MYMK: variants seen among roughly 807,000 people sequenced by gnomAD.
The protein encoded by MYMK is myomaker, myoblast fusion factor.
MYMK carries 16 observed loss-of-function variants against 22.4 expected under a neutral mutation model. The observed-to-expected ratio is 0.72, with a 90% confidence interval of 0.48 to 1.09. The LOEUF (loss-of-function observed/expected upper bound fraction) is 1.09. Among genes scored for constraint, MYMK ranks in the 50% least tolerant of loss-of-function variants. The pLI is 0.00. For synonymous variants in MYMK, 125 were observed against 127.0 expected, an observed-to-expected ratio of 0.98 and a Z score of 0.11; for missense variants, 250 against 295.6, an observed-to-expected ratio of 0.85 and a Z score of 1.13.
Position 133,515,639 on chromosome 9 carries a change from T to G in MYMK, c.400-32A>C. 1 of 1,482,930 alleles carries G rather than the reference T, an allele frequency of 6.7e-7. No individual in the cohort carries two copies. 91.9% of individuals were successfully genotyped at this position (1,482,930 alleles called of 1,614,324 possible). ...GGACAGGAGGCCACAGCAAAGCTTT[T>G]AGGTCACAGCACTGGGGAACGCCCC... On this transcript the variant is annotated intron_variant, in intron 3 of 4. Coordinates refer to ENST00000339996, the MANE Select transcript of MYMK (RefSeq NM_001080483.3). This position sits in a 1 kb window ranked among gnomAD's most constrained non-coding sequence, Gnocchi z 5.8.
intron 3 of MYMK, among the ~76,000 whole-genome samples, chr9:133,517,960 C>T (rs1252160930): frequency 6.6e-6 from 1 of 152,214 alleles, no homozygotes; most frequent in Non-Finnish European, 1.5e-5. Flanking sequence ...CAGGCCAGGT[C>T]CTCTCTTGGC....
At chr9:133,521,231 G>A (rs992110866) in intron 1 of MYMK, among the ~76,000 whole-genome samples, 2 of 152,152 alleles carry the variant, frequency 1.3e-5, no homozygotes, top group South Asian at 2.1e-4. Context: ...TTTTGCATTC[G>A]CATTTCATCA....
chr9:133,522,346 G>GC (rs386416407), intron 1 of MYMK, among the ~76,000 whole-genome samples: 3 of 141,378 alleles, frequency 2.1e-5, no homozygotes, highest in Non-Finnish European at 4.7e-5. Context: ...TGGCTGTCGG[G>GC]GGGGGGCCTC....
chr9:133,524,760 G>T lies in MYMK; in HGVS notation c.85C>A (p.Arg29=), dbSNP rs546271887. ...LPTVSIAAKR[R]FHMEAMVYLF... is the part of the protein sequence containing the mutation. ...TAGACCATGGCCTCCATGTGGAACC[G>T]CCTCTTGGCCGCGATGCTGACAGTG... Residue 29 remains arginine (R), a synonymous_variant, in exon 1 of 5, where the codon CGG becomes AGG. Transcript: ENST00000339996. 1.9e-6 allele frequency: 3 copies of T among 1,614,178 alleles called. No homozygotes were observed. The South Asian group carries it at 3.3e-5, about 18-fold the overall frequency.
chr9:133,517,263 C>G (rs748313219), intron 3 of MYMK, among the ~76,000 whole-genome samples: 9 of 152,232 alleles, frequency 5.9e-5, no homozygotes, highest in Non-Finnish European at 1.2e-4. Context: ...ATGCCCAGCG[C>G]TCCCTCTCTC....
chr9:133,521,768 G>C (rs78490531), intron 1 of MYMK, among the ~76,000 whole-genome samples: 2 of 152,154 alleles, frequency 1.3e-5, no homozygotes, highest in African/African-American at 2.4e-5. Flanking sequence ...GGAAGACTCC[G>C]GCCCTAGGCT....
chr9:133,514,954 A>AC (rs1327255934), intron 4 of MYMK, among the ~76,000 whole-genome samples, 169 bp from the exon 5 acceptor site: 1 of 151,798 alleles, frequency 6.6e-6, no homozygotes, highest in African/African-American at 2.4e-5. Flanking sequence ...CTCCACCTAA[A>AC]CCCAGAGCAG....
At chr9:133,523,624 G>A (rs1249455293) in intron 1 of MYMK, among the ~76,000 whole-genome samples, 20 of 151,776 alleles carry the variant, frequency 1.3e-4, no homozygotes, top group African/African-American at 4.8e-4. Flanking sequence ...GCTGAATGGC[G>A]AGATGGTAAT....
At chr9:133,516,758 C>T (rs1159876275) in intron 3 of MYMK, among the ~76,000 whole-genome samples, 1 of 152,158 alleles carries the variant, frequency 6.6e-6, no homozygotes, top group Non-Finnish European at 1.5e-5. Context: ...GCAGTAGTAA[C>T]ACCAGGGAGA....
intron 2 of MYMK, 47 bp from the exon 3 acceptor site, chr9:133,519,069 C>A (rs774168063): frequency 1.2e-6 from 2 of 1,608,610 alleles, no homozygotes; most frequent in Admixed American, 3.3e-5. Context: ...GTCTCTCTTG[C>A]TCCTCCTGGC....
rs1403841454 is a variant in MYMK at position 133,515,463 on chromosome 9, C to T, written c.516+28G>A. On this transcript the variant is annotated intron_variant, in intron 4 of 4. Coordinates refer to ENST00000339996, the MANE Select transcript of MYMK (RefSeq NM_001080483.3). The surrounding 1 kb of genome is among the most constrained non-coding windows in gnomAD (Gnocchi z 5.8). ...GCCATGCCGAGTGGGCTCTGGGGCA[C>T]AGGACACCTCCCCGCTGGGCTTGGT... 5 of 1,493,538 alleles carry T rather than the reference C, an allele frequency of 3.3e-6. No individual in the cohort carries two copies. Among genetic ancestry groups the T allele is most frequent in the South Asian group, 1.1e-5 (1 of 88,310 alleles). The allele number at this position is 1,493,538 out of a possible 1,614,324, so 92.5% of individuals were successfully genotyped here.
chr9:133,521,936 G>T (rs1294500885), intron 1 of MYMK, among the ~76,000 whole-genome samples: 4 of 152,246 alleles, frequency 2.6e-5, no homozygotes, highest in African/African-American at 9.6e-5. Context: ...AGCAGGAATG[G>T]CTCTGTCTGG....
At chr9:133,516,045 C>T (rs1844626762) in intron 3 of MYMK, among the ~76,000 whole-genome samples, 1 of 152,216 alleles carries the variant, frequency 6.6e-6, no homozygotes, top group Admixed American at 6.5e-5. Context: ...ATCCCTGAGC[C>T]ATGGACAAGC....
At position 133,514,846 on chromosome 9, in the gene MYMK, C is replaced by T. The variant is rs138082782; in HGVS notation, c.517-61G>A. 242 of 1,556,218 alleles carry T rather than the reference C, an allele frequency of 1.6e-4. No homozygotes were observed. The East Asian group carries it at 4.9e-3, about 31-fold the overall frequency. ...CCCCTCCCCGAGGCTCCTCCCTCTC[C>T]AAGACCCAGCAGAGCCCCTTCAGGC... On this transcript the variant is annotated intron_variant, in intron 4 of 4. Transcript: ENST00000339996.
chr9:133,520,863 G>A (rs1251393235), intron 1 of MYMK, among the ~76,000 whole-genome samples: 1 of 152,184 alleles, frequency 6.6e-6, no homozygotes, highest in Non-Finnish European at 1.5e-5. Flanking sequence ...CAGAACGCCT[G>A]GGGCCTTGTT....
At chr9:133,519,148 C>A (rs536541708) in intron 2 of MYMK, 126 bp from the exon 3 acceptor site, 15 of 1,230,648 alleles carry the variant, frequency 1.2e-5, no homozygotes, top group Non-Finnish European at 1.7e-5. Context: ...CCTCAGCCAG[C>A]GAGACCCTGA....
rs1228293989 is a variant in MYMK, at chr9:133,524,784, T to A, written c.61A>T (p.Thr21Ser). 1 of 1,613,852 alleles carries A rather than the reference T, an allele frequency of 6.2e-7. No individual in the cohort carries two copies. ...PTLSSLAFLPTVSIAAKRRFH... is the reference protein window; with the variant it reads ...PTLSSLAFLPSVSIAAKRRFH... ...CGCCTCTTGGCCGCGATGCTGACAGTGGGGAGGAAGGCCAGGCTGCTGAGG... is the reference window on the plus strand; with the variant it reads ...CGCCTCTTGGCCGCGATGCTGACAGAGGGGAGGAAGGCCAGGCTGCTGAGG... Residue 21 changes from threonine (T) to serine (S), a missense_variant, in exon 1 of 5, where the codon ACT becomes TCT. Physicochemically the swap from Thr to Ser is moderately conservative, Grantham distance 58 (BLOSUM62 1). Transcript: ENST00000339996.
Position 133,515,981 on chromosome 9 carries a change from G to A in MYMK, c.400-374C>T, listed in dbSNP as rs1275651019. Among the ~76,000 whole-genome samples, 1 of 152,242 alleles carries A rather than the reference G, an allele frequency of 6.6e-6. No individual in the cohort carries two copies. The highest frequency in any genetic ancestry group is 1.5e-5 in the Non-Finnish European group (1 of 68,048). ...TGATTGCTTACCAAGGAAAGTACTGGAGTACTTGGGACCTGCCAGCCCAGT... is the reference window on the plus strand; with the variant it reads ...TGATTGCTTACCAAGGAAAGTACTGAAGTACTTGGGACCTGCCAGCCCAGT... On this transcript the variant is annotated intron_variant, in intron 3 of 4. Transcript: ENST00000339996. This position sits in a 1 kb window ranked among gnomAD's most constrained non-coding sequence, Gnocchi z 5.8.
rs1844610462 is a variant in MYMK, at chr9:133,514,787, T to G, written c.517-2A>C. The G allele has an allele frequency of 3.1e-6, 5 of 1,613,148 alleles. No homozygotes were observed. The highest frequency in any genetic ancestry group is 4.2e-6 in the Non-Finnish European group (5 of 1,179,348). The stretch of plus-strand genomic sequence containing the variant: ...GTGGACATAAGTGTAGTCCCAGTCC[T>G]GCGGGGGGCAAGCGGTCAGTCTGGG... On this transcript the variant is annotated splice_acceptor_variant, in intron 4 of 4. Coordinates refer to ENST00000339996, the MANE Select transcript of MYMK (RefSeq NM_001080483.3). LOFTEE classifies it high-confidence loss of function.
Sources: allele counts gnomAD v4.1 joint callset (sites outside exome capture counted in the v4.1 genomes callset), GRCh38; gene constraint gnomAD v4.1.1; non-coding constraint Gnocchi (gnomAD v3.1); transcripts MANE v1.5; gene names NCBI Gene and HGNC (gene_info 2026-07-23, HGNC 2026-07-21).